Variants in SPAG9 observed in about 807,000 individuals in gnomAD.
The protein encoded by SPAG9 is C-Jun-amino-terminal kinase-interacting protein 4.
In SPAG9, 35 loss-of-function variants were observed where a neutral mutation model predicts 166.5. The observed-to-expected ratio is 0.21, with a 90% CI of 0.16 to 0.28. SPAG9 has a LOEUF of 0.28. Among genes scored for constraint, SPAG9 ranks in the 10% least tolerant of loss-of-function variants. The pLI is 1.00. For synonymous variants in SPAG9, 534 were observed against 565.5 expected (o/e 0.94, Z 0.79); for missense variants, 1,235 against 1,603.3 (o/e 0.77, Z 3.92).
intron 5 of SPAG9, among the ~76,000 whole-genome samples, chr17:51,033,152 AC>A (rs1302410001): frequency 6.6e-6 from 1 of 152,038 alleles, no homozygotes; most frequent in East Asian, 1.9e-4. Context: ...AGCACGTCAT[AC>A]TTTTTTTGGT....
At chr17:51,079,439 A>G (rs2048103587) in intron 2 of SPAG9, 145 bp downstream of exon 2, 2 of 628,068 alleles carry the variant, frequency 3.2e-6, no homozygotes, top group Non-Finnish European at 5.4e-6. Context: ...AGGTTTCACC[A>G]TGTTGACCAG....
intron 9 of SPAG9, among the ~76,000 whole-genome samples, chr17:51,010,535 T>C (rs1032781723): frequency 9.5e-5 from 14 of 147,632 alleles, no homozygotes; most frequent in Non-Finnish European, 1.6e-4. Context: ...GCAGAATTCC[T>C]GGAGGATGTA....
intron 1 of SPAG9, among the ~76,000 whole-genome samples, chr17:51,112,540 G>A (rs957394447): frequency 1.9e-4 from 29 of 151,472 alleles, no homozygotes; most frequent in East Asian, 1.6e-3. Flanking sequence ...GTGTGATGGC[G>A]CGCGCCTGTA....
chr17:51,101,126 T>C (rs1452604232), intron 1 of SPAG9, among the ~76,000 whole-genome samples: 1 of 151,882 alleles, frequency 6.6e-6, no homozygotes, highest in Non-Finnish European at 1.5e-5. Flanking sequence ...GGCAGGTGGA[T>C]CACGAGGTCA....
chr17:51,071,557 A>T (rs903725887), intron 2 of SPAG9, among the ~76,000 whole-genome samples: 2 of 152,240 alleles, frequency 1.3e-5, no homozygotes, highest in Non-Finnish European at 2.9e-5. Context: ...TTTGAAAAGT[A>T]ATCAGAAATC....
chr17:51,077,815 T>A (rs2048059720), intron 2 of SPAG9, among the ~76,000 whole-genome samples: 1 of 151,612 alleles, frequency 6.6e-6, no homozygotes, highest in South Asian at 2.1e-4. Flanking sequence ...CATACCCAGC[T>A]AATTTTTGTA....
At position 51,120,752 on chromosome 17, in the gene SPAG9, C is replaced by G. The variant is rs2049455903; in HGVS notation, c.-96G>C. 2 of 1,139,670 alleles carry G rather than the reference C, an allele frequency of 1.8e-6. No homozygotes were observed. The highest frequency in any genetic ancestry group is 3.0e-4 in the Middle Eastern group (1 of 3,340). 70.6% of individuals were successfully genotyped at this position (1,139,670 alleles called of 1,614,324 possible). ...GACCCGACTCGGGCTGGGACGGGTA[C>G]TAGGGCTGGAGCCCGGGCCGGGGCT... On this transcript the variant is annotated 5_prime_UTR_variant, in exon 1 of 30. Transcript: ENST00000262013. This position sits in a 1 kb window ranked among gnomAD's most constrained non-coding sequence, Gnocchi z 4.7.
intron 1 of SPAG9, among the ~76,000 whole-genome samples, chr17:51,105,045 G>A (rs1174821733): frequency 1.3e-4 from 19 of 151,898 alleles, no homozygotes; most frequent in South Asian, 8.3e-4. Context: ...GCAGTGAGCC[G>A]AGATCACGCC....
chr17:51,076,982 T>TTATCTAGC (rs1322983578), intron 2 of SPAG9, among the ~76,000 whole-genome samples: 1 of 99,412 alleles, frequency 1.0e-5, no homozygotes, highest in Non-Finnish European at 2.2e-5. Context: ...TCTATCTATC[T>TTATCTAGC]TATCTAGCTA....
chr17:51,024,217 A>G (rs996266491), intron 6 of SPAG9, among the ~76,000 whole-genome samples: 8 of 152,046 alleles, frequency 5.3e-5, no homozygotes, highest in Non-Finnish European at 1.2e-4. Flanking sequence ...CTGAGATCGC[A>G]CCACCGCACT....
chr17:50,984,720 C>A (rs1246991672), intron 24 of SPAG9, among the ~76,000 whole-genome samples: 1 of 148,436 alleles, frequency 6.7e-6, no homozygotes, highest in Non-Finnish European at 1.5e-5. Flanking sequence ...CCATAAAATG[C>A]CCATTGTGGT....
chr17:50,978,232 TCA>T (rs1170983176), intron 26 of SPAG9, among the ~76,000 whole-genome samples: 1 of 152,228 alleles, frequency 6.6e-6, no homozygotes, highest in Non-Finnish European at 1.5e-5. Flanking sequence ...GATCGCTGAA[TCA>T]CAGTGTTAGA....
At chr17:50,979,705 C>A in intron 26 of SPAG9, 41 bp downstream of exon 26, 6 of 1,574,178 alleles carry the variant, frequency 3.8e-6, no homozygotes, top group Non-Finnish European at 5.2e-6. Flanking sequence ...AAATAAAACA[C>A]CCTCTTTGAC....
intron 2 of SPAG9, among the ~76,000 whole-genome samples, chr17:51,068,610 T>C (rs2144583265): frequency 6.6e-6 from 1 of 152,314 alleles, no homozygotes; most frequent in South Asian, 2.1e-4. Flanking sequence ...TACTTCCTCA[T>C]GACCAACCAA....
intron 1 of SPAG9, among the ~76,000 whole-genome samples, chr17:51,112,391 G>C (rs913652903): frequency 7.8e-6 from 1 of 127,740 alleles, no homozygotes; most frequent in African/African-American, 3.0e-5. Flanking sequence ...AAAAAAAAAA[G>C]GCCAGGCGCA....
chr17:51,032,766 C>T (rs1850923824), intron 5 of SPAG9, among the ~76,000 whole-genome samples: 1 of 151,906 alleles, frequency 6.6e-6, no homozygotes, highest in Non-Finnish European at 1.5e-5. Context: ...AGAAACTTGT[C>T]TCTACTAAAA....
Position 50,993,765 on chromosome 17 carries a change from T to G in SPAG9, c.2397A>C (p.Pro799=), listed in dbSNP as rs757294261. 3.1e-6 allele frequency: 5 copies of G among 1,613,702 alleles called. No individual in the cohort carries two copies. ...NSHVLCIASV[P]GARETDYPAG... Reference sequence around the variant, plus strand: ...GAGAAACGCATGACTCACTCTTACCTGGCACACTTGCAATGCACAGAACAT... The same window carrying G: ...GAGAAACGCATGACTCACTCTTACCGGGCACACTTGCAATGCACAGAACAT... Residue 799 remains proline (P), a splice_region_variant and synonymous_variant, in exon 19 of 30, where the codon CCA becomes CCC. Transcript: ENST00000262013.
At chr17:51,078,255 T>C (rs1013599839) in intron 2 of SPAG9, among the ~76,000 whole-genome samples, 1 of 152,204 alleles carries the variant, frequency 6.6e-6, no homozygotes, top group African/African-American at 2.4e-5. Flanking sequence ...CAAACATCCA[T>C]TGGCCCTCTT....
At chr17:51,009,353 T>C (rs2045363090) in intron 9 of SPAG9, among the ~76,000 whole-genome samples, 1 of 152,122 alleles carries the variant, frequency 6.6e-6, no homozygotes, top group African/African-American at 2.4e-5. Context: ...ACAAATCCTA[T>C]AATATAGTTT....
Sources: gnomAD v4.1 joint callset for allele counts (sites outside exome capture counted in the v4.1 genomes callset) on GRCh38, gnomAD v4.1.1 for gene constraint, Gnocchi (gnomAD v3.1) non-coding constraint, MANE v1.5 for transcripts, NCBI Gene and HGNC (gene_info 2026-07-23, HGNC 2026-07-21) for gene names.